The following GABRR3 variants were observed in gnomAD, a reference collection of about 807,000 sequenced individuals.
The protein encoded by GABRR3 is gamma-aminobutyric acid type A receptor subunit rho3.
A neutral mutation model predicts 43.2 loss-of-function variants in GABRR3; 29 were observed. The observed-to-expected ratio is 0.67, with a 90% CI of 0.50 to 0.92. GABRR3 has a LOEUF of 0.92. Among genes scored for constraint, GABRR3 ranks in the 40% least tolerant of loss-of-function variants. The pLI is 0.00. For missense variants in GABRR3, 576 were observed against 572.3 expected (o/e 1.01, Z -0.07); for synonymous variants, 206 against 195.9 (o/e 1.05, Z -0.43).
At chr3:98,015,164 ATAACT>A (rs1175168319) in intron 4 of GABRR3, among the ~76,000 whole-genome samples, 1 of 152,212 alleles carries the variant, frequency 6.6e-6, no homozygotes, top group Non-Finnish European at 1.5e-5. Flanking sequence ...TGAAAAGAAA[ATAACT>A]TAACTTTTCC....
At chr3:97,990,608 A>C (rs1295176582) in intron 9 of GABRR3, among the ~76,000 whole-genome samples, 1 of 152,128 alleles carries the variant, frequency 6.6e-6, no homozygotes, top group Non-Finnish European at 1.5e-5. Flanking sequence ...TGGCCTCCCA[A>C]AGTGCTGGGA....
At chr3:98,035,061 G>A (rs1211437755) in intron 1 of GABRR3, 72 bp from the exon 2 acceptor site, 1 of 1,518,950 alleles carries the variant, frequency 6.6e-7, no homozygotes, top group Non-Finnish European at 8.9e-7. Context: ...TCTTCTTCAT[G>A]TGTCTTTTAA....
chr3:98,014,958 AG>A (rs1215339282), intron 4 of GABRR3, among the ~76,000 whole-genome samples: 1 of 152,210 alleles, frequency 6.6e-6, no homozygotes, highest in Non-Finnish European at 1.5e-5. Flanking sequence ...TCACTATATA[AG>A]CTACAGTTTA....
intron 2 of GABRR3, among the ~76,000 whole-genome samples, chr3:98,033,325 G>A (rs369714710): frequency 2.6e-5 from 4 of 152,274 alleles, no homozygotes; most frequent in East Asian, 1.9e-4. Flanking sequence ...AAATCCTGGC[G>A]TTTCCTACGG....
intron 4 of GABRR3, among the ~76,000 whole-genome samples, chr3:98,015,816 T>C (rs865950435): frequency 6.0e-4 from 91 of 152,222 alleles, no homozygotes; most frequent in African/African-American, 2.1e-3. Context: ...CTCCAAATGT[T>C]GTGTTGGAAT....
At chr3:97,994,658 C>T (rs7638369) in intron 8 of GABRR3, among the ~76,000 whole-genome samples, 60,203 of 152,092 alleles carry the variant, frequency 0.4, 12,849 homozygotes, top group African/African-American at 0.58. Context: ...ATAGCTGAAG[C>T]CAAGATTATT....
chr3:98,018,004 CT>C (rs10710938), intron 3 of GABRR3, among the ~76,000 whole-genome samples: 95,980 of 137,042 alleles, frequency 0.7, 33,942 homozygotes, highest in East Asian at 0.94. Flanking sequence ...CTCCAGTTTT[CT>C]TTTTTTTTTT....
At chr3:97,990,311 G>T (rs1426651915) in intron 9 of GABRR3, among the ~76,000 whole-genome samples, 1 of 152,012 alleles carries the variant, frequency 6.6e-6, no homozygotes, top group East Asian at 1.9e-4. Flanking sequence ...ACACGAAGCT[G>T]GGATGTGGTG....
chr3:98,007,762 A>C lies in GABRR3; in HGVS notation c.754+2T>G. On this transcript the variant is annotated splice_donor_variant, in intron 7 of 9. Coordinates refer to ENST00000621172, the Ensembl canonical transcript of GABRR3. LOFTEE classifies it high-confidence loss of function. ...ATGAATCACCCATGTAAAATGCTGTACCTGTGCTGCTATAGAAAGCTAATC... is the reference window on the plus strand; with the variant it reads ...ATGAATCACCCATGTAAAATGCTGTCCCTGTGCTGCTATAGAAAGCTAATC... 6.2e-7 allele frequency: 1 copy of C among 1,613,604 alleles called. No homozygotes were observed. The highest frequency in any genetic ancestry group is 2.2e-5 in the East Asian group (1 of 44,866).
chr3:97,995,187 G>C (rs1250476311), intron 8 of GABRR3, among the ~76,000 whole-genome samples: 1 of 152,022 alleles, frequency 6.6e-6, no homozygotes, highest in African/African-American at 2.4e-5. Context: ...ATGTTGATTA[G>C]GCTGGTCTCA....
At chr3:97,992,542 T>C (rs1256059898) in intron 9 of GABRR3, among the ~76,000 whole-genome samples, 1 of 152,186 alleles carries the variant, frequency 6.6e-6, no homozygotes, top group Non-Finnish European at 1.5e-5. Flanking sequence ...ATCATCATCA[T>C]CCATTTGAAA....
intron 2 of GABRR3, among the ~76,000 whole-genome samples, chr3:98,027,724 G>A (rs554575342): frequency 2.6e-5 from 4 of 152,080 alleles, no homozygotes; most frequent in African/African-American, 4.8e-5. Flanking sequence ...GCTTAAATAC[G>A]CTTTTAAAGA....
intron 8 of GABRR3, chr3:97,998,086 A>C (rs932693024): frequency 4.6e-5 from 7 of 152,110 alleles, no homozygotes; most frequent in African/African-American, 1.7e-4. Context: ...TAAAAAAAAA[A>C]CTTAAGAAAA....
chr3:97,993,100 G>T (rs1006124233), intron 8 of GABRR3, 52 bp from the exon 9 acceptor site: 2 of 1,415,802 alleles, frequency 1.4e-6, no homozygotes, highest in African/African-American at 1.4e-5. Context: ...TCATTTCCAG[G>T]ATCTGGTGCT....
chr3:97,993,978 C>T lies in GABRR3; in HGVS notation c.908-930G>A, dbSNP rs190235855. Among the ~76,000 whole-genome samples, 215 of 152,314 alleles carry T rather than the reference C, an allele frequency of 1.4e-3. 1 individual carries two copies. The highest frequency in any genetic ancestry group is 2.2e-3 in the Non-Finnish European group (147 of 68,036). ...CCATTCAATGTCTACACTAATTTCT[C>T]AGAGGGATATTGCCAGAGTACCACC... On this transcript the variant is annotated intron_variant, in intron 8 of 9. Coordinates refer to ENST00000621172, the Ensembl canonical transcript of GABRR3.
chr3:98,009,081 C>T (rs779132878), intron 5 of GABRR3, 43 bp from the exon 6 acceptor site: 4 of 1,297,936 alleles, frequency 3.1e-6, no homozygotes, highest in East Asian at 4.9e-5. Flanking sequence ...ATCATTTAAC[C>T]ATCTGGCCAA....
intron 2 of GABRR3, among the ~76,000 whole-genome samples, chr3:98,026,602 GTCATCATCATCATCA>G (rs367904103): frequency 3.9e-5 from 4 of 101,528 alleles, no homozygotes; most frequent in Non-Finnish European, 9.2e-5. Flanking sequence ...AAAGGTGGCT[GTCATCATCATCATCA>G]TCATCATCAT....
intron 3 of GABRR3, among the ~76,000 whole-genome samples, chr3:98,018,186 C>A (rs1706897401): frequency 6.6e-6 from 1 of 152,034 alleles, no homozygotes; most frequent in Non-Finnish European, 1.5e-5. Flanking sequence ...ATGTTGGGAC[C>A]TTTTCTCTGG....
At chr3:98,007,410 G>A (rs1278284149) in intron 7 of GABRR3, among the ~76,000 whole-genome samples, 1 of 152,140 alleles carries the variant, frequency 6.6e-6, no homozygotes, top group African/African-American at 2.4e-5. Context: ...CATTAGGCAG[G>A]AGACTGATCA....
Sources: gnomAD v4.1 joint callset for allele counts (sites outside exome capture counted in the v4.1 genomes callset) on GRCh38, gnomAD v4.1.1 for gene constraint, MANE v1.5 for transcripts, NCBI Gene and HGNC (gene_info 2026-07-23, HGNC 2026-07-21) for gene names.